BCAN: variants seen among roughly 807,000 people sequenced by gnomAD.
The protein encoded by BCAN is brevican.
Under a neutral mutation model 92.4 loss-of-function variants are expected in BCAN, and 51 were observed. The observed-to-expected ratio is 0.55, with a 90% CI of 0.44 to 0.70. The LOEUF is 0.70. BCAN is among the 30% of genes least tolerant of loss of function. The pLI, the probability that BCAN is intolerant of heterozygous loss-of-function variation, is 0.00. For synonymous variants in BCAN, 501 were observed against 505.2 expected (o/e 0.99, Z 0.11); for missense variants, 1,140 against 1,212.1 (o/e 0.94, Z 0.88).
Position 156,642,395 on chromosome 1 carries a change from T to C in BCAN, c.-9+120T>C, listed in dbSNP as rs1206265083. On this transcript the variant is annotated intron_variant, in intron 1 of 13. Coordinates refer to ENST00000329117, the MANE Select transcript of BCAN (RefSeq NM_021948.5). The surrounding 1 kb of genome is among the most constrained non-coding windows in gnomAD (Gnocchi z 4.2). ...GCCTCGAGGCTCTGGGGCACCCAAC[T>C]CGTCGACTCCTGACACCGCAGCGGG... The C allele has an allele frequency of 6.6e-6, 1 of 152,434 alleles. No individual in the cohort carries two copies. The allele number at this position is 152,434 out of a possible 1,614,324, so 9.4% of individuals were successfully genotyped here.
In BCAN at chr1:156,647,355, A is replaced by G; in HGVS notation, c.467-153A>G. ...TCCTTTCTCTCTTCAGGTGGAGGAC[A>G]TTCTACCCACAATCTAACTTAAGTC... On this transcript the variant is annotated intron_variant, in intron 3 of 13. Coordinates refer to ENST00000329117, the MANE Select transcript of BCAN (RefSeq NM_021948.5). This position sits in a 1 kb window ranked among gnomAD's most constrained non-coding sequence, Gnocchi z 4.8. 1 of 1,107,448 alleles carries G rather than the reference A, an allele frequency of 9.0e-7. No individual in the cohort carries two copies. Among genetic ancestry groups the G allele is most frequent in the Non-Finnish European group, 1.3e-6 (1 of 790,548 alleles). 68.6% of individuals were successfully genotyped at this position (1,107,448 alleles called of 1,614,324 possible).
In BCAN at chr1:156,659,178, AC is replaced by A; in HGVS notation, c.*47del. 1 of 1,461,404 alleles carries A rather than the reference AC, an allele frequency of 6.8e-7. No homozygotes were observed. Among genetic ancestry groups the A allele is most frequent in the Non-Finnish European group, 9.2e-7 (1 of 1,089,380 alleles). The allele number at this position is 1,461,404 out of a possible 1,614,324, so 90.5% of individuals were successfully genotyped here. ...CTGCCGGCCACAGCACTGCCCTGTCACCCAAATTTTCCCTCACACCCTGCGC... is the reference window on the plus strand; with the variant it reads ...CTGCCGGCCACAGCACTGCCCTGTCACCAAATTTTCCCTCACACCCTGCGC... On this transcript the variant is annotated 3_prime_UTR_variant, in exon 14 of 14. Transcript: ENST00000329117.
rs1449613693 is a variant in BCAN at position 156,658,005 on chromosome 1, C to T, written c.2293-122C>T. On this transcript the variant is annotated intron_variant, in intron 11 of 13. Coordinates refer to ENST00000329117, the MANE Select transcript of BCAN (RefSeq NM_021948.5). This position sits in a 1 kb window ranked among gnomAD's most constrained non-coding sequence, Gnocchi z 4.4. ...TCCCCTTCCCCGGGAGATCCCCTAC[C>T]CCCTAGCCCTAACCTTCCCTCTCCT... The T allele has an allele frequency of 5.9e-6, 7 of 1,178,920 alleles. No individual in the cohort carries two copies. The East Asian group carries it at 1.8e-4, about 30-fold the overall frequency. The allele number at this position is 1,178,920 out of a possible 1,614,324, so 73.0% of individuals were successfully genotyped here.
intron 8 of BCAN, 117 bp downstream of exon 8, chr1:156,653,009 C>A: frequency 6.5e-7 from 1 of 1,530,892 alleles, no homozygotes; most frequent in Non-Finnish European, 8.8e-7. Context: ...CTCTCCTGTC[C>A]TTTGCCTTCA....
rs772920732 is a variant in BCAN, at chr1:156,648,085, G to C, written c.744G>C (p.Val248=). The C allele has an allele frequency of 6.2e-7, 1 of 1,613,822 alleles. No homozygotes were observed. The highest frequency in any genetic ancestry group is 1.3e-5 in the African/African-American group (1 of 74,888). ...GVVDPDDLYD[V]YCYAEDLNGE... is the part of the protein sequence containing the mutation. ...TGGACCCGGATGACCTCTATGATGT[G>C]TACTGTTATGCTGAAGACCTAAATG... Residue 248 remains valine, a synonymous_variant, in exon 5 of 14, where the codon GTG becomes GTC. Transcript: ENST00000329117.
Position 156,647,156 on chromosome 1 carries a change from T to A in BCAN, c.447T>A (p.Ala149=). 1 of 1,310,676 alleles carries A rather than the reference T, an allele frequency of 7.6e-7. No homozygotes were observed. Among genetic ancestry groups the A allele is most frequent in the Non-Finnish European group, 1.0e-6 (1 of 993,800 alleles). 81.2% of individuals were successfully genotyped at this position (1,310,676 alleles called of 1,614,324 possible). Residue 149 remains alanine (A), a synonymous_variant, in exon 3 of 14, where the codon GCT becomes GCA. Coordinates refer to ENST00000329117, the MANE Select transcript of BCAN (RefSeq NM_021948.5). This position sits in a 1 kb window ranked among gnomAD's most constrained non-coding sequence, Gnocchi z 4.8. ...VQHGIDDSSD[A]VEVKVKGVVF... ...ACGGCATCGATGACAGCAGCGACGC[T>A]GTGGAGGTCAAGGTCAAAGGTGAGA...
chr1:156,658,359 C>T lies in BCAN; in HGVS notation c.2437+88C>T. 1 of 1,546,362 alleles carries T rather than the reference C, an allele frequency of 6.5e-7. No homozygotes were observed. Among genetic ancestry groups the T allele is most frequent in the Non-Finnish European group, 8.8e-7 (1 of 1,138,308 alleles). ...GACTGATGTTTGTAGACAGAGAGTG[C>T]AAAGCAACATAGAGGAGTCAGAACG... On this transcript the variant is annotated intron_variant, in intron 12 of 13. Coordinates refer to ENST00000329117, the MANE Select transcript of BCAN (RefSeq NM_021948.5). This position sits in a 1 kb window ranked among gnomAD's most constrained non-coding sequence, Gnocchi z 4.4.
Position 156,648,659 on chromosome 1 carries a change from G to A in BCAN, c.861G>A (p.Thr287=), listed in dbSNP as rs369759010. ...CQERGAEIAT[T]GQLYAAWDGG... ...AGCGGGGTGCAGAGATTGCCACCAC[G>A]GGCCAACTGTATGCAGCCTGGGATG... Residue 287 remains threonine, a synonymous_variant, in exon 6 of 14, where the codon ACG becomes ACA. Coordinates refer to ENST00000329117, the MANE Select transcript of BCAN (RefSeq NM_021948.5). The A allele has an allele frequency of 3.5e-5, 56 of 1,613,204 alleles. No homozygotes were observed. Among genetic ancestry groups the A allele is most frequent in the African/African-American group, 8.0e-5 (6 of 75,002 alleles).
At chr1:156,646,372 G>A in intron 2 of BCAN, 1 of 524,868 alleles carries the variant, frequency 1.9e-6, no homozygotes, top group Non-Finnish European at 3.4e-6. Flanking sequence ...CCCTAAGGTG[G>A]AGGATAGGGG....
chr1:156,652,307 T>C lies in BCAN; in HGVS notation c.1357T>C (p.Leu453=). The C allele has an allele frequency of 1.2e-6, 2 of 1,612,882 alleles. No individual in the cohort carries two copies. Among genetic ancestry groups the C allele is most frequent in the Admixed American group, 1.7e-5 (1 of 59,930 alleles). ...GTTCTCAGAAGAGGAAGGTAAGGCA[T>C]TGGAGGAAGAAGAGAAATATGAAGA... ...TGFSEEEGKA[L]EEEEKYEDEE... The change falls in exon 8 of 14, where the codon TTG becomes CTG. Residue 453 remains leucine, a synonymous_variant. Coordinates refer to ENST00000329117, the MANE Select transcript of BCAN (RefSeq NM_021948.5).
At position 156,652,719 on chromosome 1, in the gene BCAN, G is replaced by T; in HGVS notation, c.1769G>T (p.Gly590Val). Residue 590 changes from glycine to valine, a missense_variant, in exon 8 of 14, where the codon GGT becomes GTT. Transcript: ENST00000329117. ...AGCGAGGAGACAGGAAGCTCCGAGG[G>T]TGCCCCTTCCCTGCTTCCAGCCACA... is the stretch of plus-strand genomic sequence containing the variant. ...GESEETGSSE[G>V]APSLLPATRA... 1 of 1,604,584 alleles carries T rather than the reference G, an allele frequency of 6.2e-7. No homozygotes were observed. The highest frequency in any genetic ancestry group is 8.5e-7 in the Non-Finnish European group (1 of 1,173,812).
intron 6 of BCAN, 47 bp from the exon 7 acceptor site, chr1:156,651,409 C>T: frequency 6.6e-7 from 1 of 1,509,962 alleles, no homozygotes; most frequent in Non-Finnish European, 9.1e-7. Flanking sequence ...CCTGGGAGGG[C>T]AGAGCTACCT....
intron 10 of BCAN, 118 bp from the exon 11 acceptor site, chr1:156,657,557 G>A: frequency 1.3e-6 from 1 of 754,006 alleles, no homozygotes; most frequent in Non-Finnish European, 2.2e-6. Flanking sequence ...AACCCGACAA[G>A]GGCGGGTGCT....
At chr1:156,652,125 G>A (rs1038256670) in intron 7 of BCAN, 123 bp from the exon 8 acceptor site, 5 of 1,313,004 alleles carry the variant, frequency 3.8e-6, no homozygotes, top group Non-Finnish European at 5.2e-6. Context: ...TGTCCTCAGG[G>A]CGGTCTCTTC....
At chr1:156,645,458 G>A (rs1678931305) in intron 1 of BCAN, among the ~76,000 whole-genome samples, 1 of 152,188 alleles carries the variant, frequency 6.6e-6, no homozygotes, top group Non-Finnish European at 1.5e-5. Flanking sequence ...GGGCTCAGGA[G>A]AAGCTGTGCT....
chr1:156,645,471 C>T (rs1037573496), intron 1 of BCAN, among the ~76,000 whole-genome samples: 10 of 152,114 alleles, frequency 6.6e-5, no homozygotes, highest in Non-Finnish European at 1.3e-4. Context: ...GCTGTGCTTA[C>T]TTGCGTTCGG....
In BCAN at chr1:156,647,943, G is replaced by A; in HGVS notation, c.642-40G>A. On this transcript the variant is annotated intron_variant, in intron 4 of 13. Transcript: ENST00000329117. This position sits in a 1 kb window ranked among gnomAD's most constrained non-coding sequence, Gnocchi z 4.8. ...AATCAATATGGGCTGGCTCCCTGGT[G>A]AAAGCATCTGTACTAAGTGATTCTG... 6.2e-7 allele frequency: 1 copy of A among 1,608,896 alleles called. No homozygotes were observed.
chr1:156,652,270 A>C lies in BCAN; in HGVS notation c.1320A>C (p.Val440=). 1 of 1,601,694 alleles carries C rather than the reference A, an allele frequency of 6.2e-7. No homozygotes were observed. The highest frequency in any genetic ancestry group is 8.5e-7 in the Non-Finnish European group (1 of 1,174,470). ...TLLEFETQSM[V]PPTGFSEEEG... ...TAGAATTTGAAACACAATCCATGGTACCGCCCACGGGGTTCTCAGAAGAGG... is the reference window on the plus strand; with the variant it reads ...TAGAATTTGAAACACAATCCATGGTCCCGCCCACGGGGTTCTCAGAAGAGG... The change falls in exon 8 of 14, where the codon GTA becomes GTC. Residue 440 remains valine (V), a synonymous_variant. Coordinates refer to ENST00000329117, the MANE Select transcript of BCAN (RefSeq NM_021948.5).
Position 156,652,681 on chromosome 1 carries a change from C to G in BCAN, c.1731C>G (p.Val577=). Residue 577 remains valine, a synonymous_variant, in exon 8 of 14, where the codon GTC becomes GTG. Transcript: ENST00000329117. The part of the protein sequence containing the change: ...EATGGPELSG[V]PRGESEETGS... ...CTGGTGGTCCTGAGCTATCTGGGGTCCCTCGAGGAGAGAGCGAGGAGACAG... is the reference window on the plus strand; with the variant it reads ...CTGGTGGTCCTGAGCTATCTGGGGTGCCTCGAGGAGAGAGCGAGGAGACAG... The G allele has an allele frequency of 6.2e-7, 1 of 1,612,214 alleles. No individual in the cohort carries two copies. Among genetic ancestry groups the G allele is most frequent in the Non-Finnish European group, 8.5e-7 (1 of 1,178,918 alleles).
Sources: allele counts gnomAD v4.1 joint callset (sites outside exome capture counted in the v4.1 genomes callset), GRCh38; gene constraint gnomAD v4.1.1; non-coding constraint Gnocchi (gnomAD v3.1); transcripts MANE v1.5; gene names NCBI Gene and HGNC (gene_info 2026-07-23, HGNC 2026-07-21).